The following TMEM184B variants were observed in gnomAD, a reference collection of about 807,000 sequenced individuals.
TMEM184B encodes transmembrane protein 184B.
Under a neutral mutation model 41.8 loss-of-function variants are expected in TMEM184B, and 17 were observed. That is an observed-to-expected ratio of 0.41 (90% CI 0.28 to 0.61). TMEM184B has a LOEUF of 0.61. TMEM184B is among the 20% of genes least tolerant of loss of function. The pLI, the probability that TMEM184B is intolerant of heterozygous loss-of-function variation, is 0.34. For missense variants in TMEM184B, 393 were observed against 557.8 expected (o/e 0.70, Z 2.98); for synonymous variants, 240 against 229.5 (o/e 1.05, Z -0.41).
Position 38,265,560 on chromosome 22 carries a change from C to G in TMEM184B, c.-59+7324G>C, listed in dbSNP as rs146272700. 2.0e-5 allele frequency among the ~76,000 whole-genome samples: 3 copies of G among 152,202 alleles called. No homozygotes were observed. The East Asian group carries it at 5.8e-4, about 29-fold the overall frequency. ...CCCCTCTGAGCCTCAGTCTCTCCAT[C>G]TATAAAATAGGTGCAATAATTTCAA... On this transcript the variant is annotated intron_variant, in intron 1 of 8. Coordinates refer to ENST00000361906, the MANE Select transcript of TMEM184B (RefSeq NM_012264.5).
chr22:38,221,833 T>A, intron 8 of TMEM184B, 123 bp from the exon 9 acceptor site: 1 of 1,372,816 alleles, frequency 7.3e-7, no homozygotes, highest in Non-Finnish European at 9.8e-7. Flanking sequence ...CCTTCAACCA[T>A]CCCTTCTGGG....
chr22:38,255,740 C>G (rs1216709646), intron 1 of TMEM184B, among the ~76,000 whole-genome samples: 1 of 152,214 alleles, frequency 6.6e-6, no homozygotes, highest in Non-Finnish European at 1.5e-5. Flanking sequence ...CTGGATGGAT[C>G]TCAGGGGTGT....
chr22:38,267,996 G>A (rs896717851), intron 1 of TMEM184B, among the ~76,000 whole-genome samples: 6 of 152,176 alleles, frequency 3.9e-5, no homozygotes, highest in Admixed American at 6.5e-5. Flanking sequence ...CTACCTGGGT[G>A]TCCGCCTAAT....
rs1195212540 is a variant in TMEM184B, at chr22:38,272,502, G to A, written c.-59+382C>T. ...CACGGACGCCTCCCCCACTCACTCG[G>A]CCGTGCCAGTCGCCAGCACACCCAC... On this transcript the variant is annotated intron_variant, in intron 1 of 8. Coordinates refer to ENST00000361906, the MANE Select transcript of TMEM184B (RefSeq NM_012264.5). The A allele has an allele frequency of 3.0e-6, 3 of 985,352 alleles. No individual in the cohort carries two copies. The African/African-American group carries it at 5.2e-5, about 17-fold the overall frequency. 61.0% of individuals were successfully genotyped at this position (985,352 alleles called of 1,614,324 possible).
intron 1 of TMEM184B, among the ~76,000 whole-genome samples, chr22:38,269,795 G>A (rs1602514155): frequency 6.6e-6 from 1 of 152,142 alleles, no homozygotes; most frequent in Non-Finnish European, 1.5e-5. Flanking sequence ...TCCAGAACCT[G>A]CCCTGAGTCA....
In TMEM184B at chr22:38,220,453, G is replaced by A. The variant is rs75676672; in HGVS notation, c.*1016C>T. 7.9e-3 allele frequency: 7,818 copies of A among 985,872 alleles called. 298 individuals are homozygous for A. The African/African-American group carries it at 0.092, about 12-fold the overall frequency. The allele number at this position is 985,872 out of a possible 1,614,324, so 61.1% of individuals were successfully genotyped here. A position where few individuals can be genotyped will look rare whatever the true frequency, so the allele number is the denominator to read the frequency against. On this transcript the variant is annotated 3_prime_UTR_variant, in exon 9 of 9. Transcript: ENST00000361906. ...CCCTGTGTGGATAGGGGCCCCGAGA[G>A]GAGTCTGGGACCATTCCCCCCACCT...
At position 38,226,852 on chromosome 22, in the gene TMEM184B, C is replaced by A; in HGVS notation, c.544G>T (p.Val182Leu). 6.3e-7 allele frequency: 1 copy of A among 1,597,436 alleles called. No homozygotes were observed. The highest frequency in any genetic ancestry group is 1.1e-5 in the South Asian group (1 of 88,208). ...CTGACCGCCATGAGTGGCTTCACCA[C>A]ACAGAACTGCAGGGTGGCCTGTTGG... is the stretch of plus-strand genomic sequence containing the variant. ...FCKQATLQFC[V>L]VKPLMAVSTV... Residue 182 changes from valine (V) to leucine (L), a missense_variant, in exon 6 of 9, where the codon GTG becomes TTG. Physicochemically the swap from Val to Leu is conservative, Grantham distance 32. Coordinates refer to ENST00000361906, the MANE Select transcript of TMEM184B (RefSeq NM_012264.5). This position sits in a 1 kb window ranked among gnomAD's most constrained non-coding sequence, Gnocchi z 4.6.
intron 3 of TMEM184B, among the ~76,000 whole-genome samples, chr22:38,237,633 A>G (rs959186359): frequency 1.3e-5 from 2 of 152,240 alleles, no homozygotes; most frequent in African/African-American, 4.8e-5. Context: ...TTCTCTGCTC[A>G]GAAAATAGGG....
chr22:38,222,651 C>T (rs555460078), intron 8 of TMEM184B: 144 of 985,420 alleles, frequency 1.5e-4, no homozygotes, highest in Middle Eastern at 5.2e-4. Flanking sequence ...CCGTAAGGGC[C>T]GTATGTTGGC....
intron 1 of TMEM184B, among the ~76,000 whole-genome samples, chr22:38,263,076 T>C (rs1041399595): frequency 6.6e-5 from 10 of 152,100 alleles, no homozygotes; most frequent in Non-Finnish European, 1.2e-4. Context: ...CTAATTTGTG[T>C]ATTTTTAGTG....
chr22:38,240,692 A>G (rs1335139613), intron 3 of TMEM184B, among the ~76,000 whole-genome samples: 3 of 150,934 alleles, frequency 2.0e-5, no homozygotes, highest in Non-Finnish European at 4.4e-5. Flanking sequence ...GGATTAAGAC[A>G]AGATCCTAAA....
intron 5 of TMEM184B, among the ~76,000 whole-genome samples, chr22:38,227,990 G>C (rs1176795048): frequency 6.6e-6 from 1 of 152,152 alleles, no homozygotes; most frequent in Non-Finnish European, 1.5e-5. Context: ...AATCCAAAAG[G>C]CTCAACTAGT....
At chr22:38,267,032 G>A (rs1326594925) in intron 1 of TMEM184B, among the ~76,000 whole-genome samples, 2 of 149,000 alleles carry the variant, frequency 1.3e-5, no homozygotes, top group Non-Finnish European at 3.0e-5. Context: ...GCAGTGAGCC[G>A]AAATCGCACC....
Position 38,220,573 on chromosome 22 carries a change from C to G in TMEM184B, c.*896G>C. On this transcript the variant is annotated 3_prime_UTR_variant, in exon 9 of 9. Transcript: ENST00000361906. ...TGAAACGTGGAGACTCAGACCTTTC[C>G]CCTGAAACGGGAGGGAGAAGCCCCA... is the stretch of plus-strand genomic sequence containing the variant. 1 of 985,964 alleles carries G rather than the reference C, an allele frequency of 1.0e-6. No individual in the cohort carries two copies. Among genetic ancestry groups the G allele is most frequent in the Non-Finnish European group, 1.2e-6 (1 of 830,010 alleles). The allele number at this position is 985,964 out of a possible 1,614,324, so 61.1% of individuals were successfully genotyped here.
rs1216313432 is a variant in TMEM184B, at chr22:38,239,011, T to A, written c.358+6924A>T. Reference sequence around the variant, plus strand: ...ACATTCCTAACAAACAGCAACTGCATAAAGCGACATACGGACACCGCCTCC... The same window carrying A: ...ACATTCCTAACAAACAGCAACTGCAAAAAGCGACATACGGACACCGCCTCC... On this transcript the variant is annotated intron_variant, in intron 3 of 8. Coordinates refer to ENST00000361906, the MANE Select transcript of TMEM184B (RefSeq NM_012264.5). The surrounding 1 kb of genome is among the most constrained non-coding windows in gnomAD (Gnocchi z 4.6). 6.6e-6 allele frequency among the ~76,000 whole-genome samples: 1 copy of A among 152,190 alleles called. No individual in the cohort carries two copies. Among genetic ancestry groups the A allele is most frequent in the Non-Finnish European group, 1.5e-5 (1 of 68,034 alleles).
At chr22:38,253,390 C>G (rs184377697) in intron 1 of TMEM184B, among the ~76,000 whole-genome samples, 1 of 151,646 alleles carries the variant, frequency 6.6e-6, no homozygotes, top group Non-Finnish European at 1.5e-5. Context: ...GGCAACATAG[C>G]GAAACCCTGT....
chr22:38,220,348 G>GGAGCCAGGGAGGGGC lies in TMEM184B; in HGVS notation c.*1106_*1120dup, dbSNP rs1356927982. The GGAGCCAGGGAGGGGC allele has an allele frequency of 4.1e-6, 4 of 986,106 alleles. No homozygotes were observed. The African/African-American group carries it at 7.0e-5, about 17-fold the overall frequency. The allele number at this position is 986,106 out of a possible 1,614,324, so 61.1% of individuals were successfully genotyped here. On this transcript the variant is annotated 3_prime_UTR_variant, in exon 9 of 9. Coordinates refer to ENST00000361906, the MANE Select transcript of TMEM184B (RefSeq NM_012264.5). ...CCCAGGGAGCGTGTGGGACAGATGG[G>GGAGCCAGGGAGGGGC]GAGCCAGGGAGGGGCGCTTTCATAT...
intron 3 of TMEM184B, among the ~76,000 whole-genome samples, chr22:38,236,820 C>T (rs1213643668): frequency 6.6e-6 from 1 of 152,136 alleles, no homozygotes; most frequent in East Asian, 1.9e-4. Flanking sequence ...GGGCAGAGTC[C>T]AGAGGTGGAA....
At chr22:38,255,911 AG>A (rs1378431632) in intron 1 of TMEM184B, among the ~76,000 whole-genome samples, 1 of 152,236 alleles carries the variant, frequency 6.6e-6, no homozygotes, top group Non-Finnish European at 1.5e-5. Flanking sequence ...AAAGGGTACC[AG>A]GGGAGTTCCT....
Sources: gnomAD v4.1 joint callset for allele counts (sites outside exome capture counted in the v4.1 genomes callset) on GRCh38, gnomAD v4.1.1 for gene constraint, Gnocchi (gnomAD v3.1) non-coding constraint, MANE v1.5 for transcripts, NCBI Gene and HGNC (gene_info 2026-07-23, HGNC 2026-07-21) for gene names.